Variants in PER2 observed in about 807,000 individuals in gnomAD.
PER2 encodes period circadian protein homolog 2.
PER2 carries 66 observed loss-of-function variants against 121.0 expected under a neutral mutation model. That is an observed-to-expected ratio of 0.55 (90% CI 0.45 to 0.67). PER2 has a LOEUF of 0.67. Ranked by LOEUF, PER2 falls within the 30% of genes least tolerant of loss-of-function variation. The pLI is 0.00. For missense variants in PER2, 1,521 were observed against 1,635.0 expected (o/e 0.93, Z 1.20); for synonymous variants, 684 against 659.9 (o/e 1.04, Z -0.56).
chr2:238,256,883 A>C, intron 17 of PER2, 39 bp downstream of exon 17: 1 of 1,600,400 alleles, frequency 6.2e-7, no homozygotes, highest in African/African-American at 1.3e-5. Flanking sequence ...CATGGTTAAA[A>C]ATCAAACTGC....
At chr2:238,260,440 G>C (rs533168368) in intron 13 of PER2, among the ~76,000 whole-genome samples, 6 of 152,064 alleles carry the variant, frequency 3.9e-5, no homozygotes, top group Non-Finnish European at 7.4e-5. Context: ...ATTTTTAGTA[G>C]AGACGGGGTT....
chr2:238,264,101 C>T (rs1696022904), intron 9 of PER2, among the ~76,000 whole-genome samples: 1 of 152,178 alleles, frequency 6.6e-6, no homozygotes, highest in Non-Finnish European at 1.5e-5. Flanking sequence ...AAGGCTTCAT[C>T]AAGGAGAGCT....
rs1695385947 is a variant in PER2, at chr2:238,244,274, T to C, written c.*2101A>G. 6.6e-6 allele frequency: 1 copy of C among 152,576 alleles called. No individual in the cohort carries two copies. The highest frequency in any genetic ancestry group is 1.5e-5 in the Non-Finnish European group (1 of 68,048). 9.5% of individuals were successfully genotyped at this position (152,576 alleles called of 1,614,324 possible). Reference sequence around the variant, plus strand: ...GGCTCAGTTTAAAATAGAGAAAAACTGTTTAACACCTGTGTAAGCACACAC... The same window carrying C: ...GGCTCAGTTTAAAATAGAGAAAAACCGTTTAACACCTGTGTAAGCACACAC... On this transcript the variant is annotated 3_prime_UTR_variant, in exon 23 of 23. Coordinates refer to ENST00000254657, the MANE Select transcript of PER2 (RefSeq NM_022817.3).
intron 17 of PER2, 25 bp downstream of exon 17, chr2:238,256,897 C>G: frequency 6.2e-7 from 1 of 1,606,816 alleles, no homozygotes; most frequent in Non-Finnish European, 8.5e-7. Flanking sequence ...AAACTGCTCT[C>G]TGATCCAAGA....
upstream of PER2, among the ~76,000 whole-genome samples, chr2:238,294,038 C>T (rs939244331): frequency 6.6e-6 from 1 of 152,218 alleles, no homozygotes; most frequent in Admixed American, 6.5e-5. Flanking sequence ...CCTGTCTGAG[C>T]TGATCCCCCC....
Position 238,271,367 on chromosome 2 carries a change from G to C in PER2, c.717C>G (p.Phe239Leu). 1.9e-6 allele frequency: 3 copies of C among 1,614,208 alleles called. No individual in the cohort carries two copies. The highest frequency in any genetic ancestry group is 2.5e-6 in the Non-Finnish European group (3 of 1,180,026). ...EFLAPHDVGVFHSFTSPYKLP... is the reference protein window; with the variant it reads ...EFLAPHDVGVLHSFTSPYKLP... ...GCTTGTACGGGGAGGTGAAACTGTG[G>C]AACACGCCCACATCGTGAGGCGCCA... Residue 239 changes from phenylalanine (F) to leucine (L), a missense_variant, in exon 6 of 23, where the codon TTC becomes TTG. Transcript: ENST00000254657.
chr2:238,271,246 T>C, intron 6 of PER2, 66 bp downstream of exon 6: 4 of 1,418,804 alleles, frequency 2.8e-6, no homozygotes, highest in South Asian at 2.3e-5. Flanking sequence ...CACATCTGGG[T>C]TGGGCCCAGC....
At chr2:238,295,650 C>A in the PER2 span, 2 of 152,664 alleles carry the variant, frequency 1.3e-5, no homozygotes, top group African/African-American at 2.4e-5. Flanking sequence ...GATTGTGGGG[C>A]CTGAACTGTG....
chr2:238,267,341 G>T (rs1696142669), intron 8 of PER2, among the ~76,000 whole-genome samples: 1 of 152,224 alleles, frequency 6.6e-6, no homozygotes, highest in African/African-American at 2.4e-5. Context: ...TTCAAGAGAA[G>T]AGCCCAGATA....
At chr2:238,247,608 A>G (rs1392487303) in intron 22 of PER2, 1 of 152,256 alleles carries the variant, frequency 6.6e-6, no homozygotes, top group African/African-American at 2.4e-5. Context: ...TGGAAAACAG[A>G]CTCTAAGGCA....
intron 9 of PER2, among the ~76,000 whole-genome samples, chr2:238,264,283 A>C (rs898555962): frequency 1.2e-4 from 18 of 152,244 alleles, no homozygotes; most frequent in African/African-American, 4.3e-4. Flanking sequence ...CCTGCCCTCC[A>C]AGATCCTGGT....
chr2:238,265,759 C>T (rs1696073566), intron 8 of PER2, among the ~76,000 whole-genome samples, 169 bp from the exon 9 acceptor site: 1 of 152,174 alleles, frequency 6.6e-6, no homozygotes, highest in Non-Finnish European at 1.5e-5. Context: ...GAACCTTATG[C>T]TGGTTGTGGG....
At chr2:238,276,005 G>A in intron 3 of PER2, 108 bp from the exon 4 acceptor site, 1 of 925,324 alleles carries the variant, frequency 1.1e-6, no homozygotes, top group Non-Finnish European at 1.8e-6. Context: ...GAGATGTTCT[G>A]GTCTGGGTGG....
chr2:238,296,103 T>C, the PER2 span, among the ~76,000 whole-genome samples: 2 of 4,144 alleles, frequency 4.8e-4, no homozygotes, highest in Admixed American at 1.7e-3. Context: ...GAGTCAGTCG[T>C]GTGCCCTCCT....
intron 17 of PER2, 74 bp downstream of exon 17, chr2:238,256,848 T>C (rs1348386702): frequency 9.4e-6 from 14 of 1,496,576 alleles, no homozygotes; most frequent in Admixed American, 5.3e-5. Flanking sequence ...CTTAGAAAAA[T>C]TTAAGATGGC....
chr2:238,250,128 G>A (rs1019933477), intron 21 of PER2, among the ~76,000 whole-genome samples: 4 of 152,204 alleles, frequency 2.6e-5, no homozygotes, highest in African/African-American at 9.6e-5. Context: ...AGAGCAGCCC[G>A]CTCCCTGGGC....
rs760519574 is a variant in PER2, at chr2:238,257,017, G to A, written c.1970C>T (p.Pro657Leu). ...CGACGCCACACTCTCTGCCTTGCCC[G>A]GCAGTGCCAGCGAGGTCAGGTGCGT... ...VGTHLTSLAL[P>L]GKAESVASLT... Residue 657 changes from proline (P) to leucine (L), a missense_variant, in exon 17 of 23, where the codon CCG becomes CTG. By Grantham distance (98) the Pro-to-Leu change is moderately conservative. Coordinates refer to ENST00000254657, the MANE Select transcript of PER2 (RefSeq NM_022817.3). The A allele has an allele frequency of 1.8e-5, 29 of 1,613,436 alleles. No individual in the cohort carries two copies. The highest frequency in any genetic ancestry group is 6.6e-5 in the South Asian group (6 of 91,072).
upstream of PER2, among the ~76,000 whole-genome samples, chr2:238,294,554 G>A (rs532453543): frequency 1.1e-4 from 16 of 152,338 alleles, no homozygotes; most frequent in South Asian, 2.9e-3. Flanking sequence ...CACGCTTGGC[G>A]CTTGGCACAC....
intron 1 of PER2, among the ~76,000 whole-genome samples, chr2:238,284,214 C>T (rs557364007): frequency 1.3e-5 from 2 of 152,038 alleles, no homozygotes; most frequent in East Asian, 1.9e-4. Flanking sequence ...GAGGCTGAGG[C>T]GGTGGATCAC....
Sources: allele counts gnomAD v4.1 joint callset (sites outside exome capture counted in the v4.1 genomes callset), GRCh38; gene constraint gnomAD v4.1.1; transcripts MANE v1.5; gene names NCBI Gene and HGNC (gene_info 2026-07-23, HGNC 2026-07-21).